PRKCB: variants seen among roughly 807,000 people sequenced by gnomAD.
PRKCB encodes the protein protein kinase C beta, also known as protein kinase C beta type.
A neutral mutation model predicts 81.5 loss-of-function variants in PRKCB; 13 were observed. The observed-to-expected ratio is 0.16, with a 90% confidence interval of 0.10 to 0.25. PRKCB has a LOEUF of 0.25. Ranked by LOEUF, PRKCB falls within the 10% of genes least tolerant of loss-of-function variation. The probability of loss-of-function intolerance (pLI) is 1.00; values close to 1 mark genes in which losing one functional copy is unlikely to be tolerated. For missense variants in PRKCB, 509 were observed against 875.7 expected, an observed-to-expected ratio of 0.58 and a Z score of 5.29; for synonymous variants, 335 against 321.4, an observed-to-expected ratio of 1.04 and a Z score of -0.45.
At chr16:24,031,950 C>T (rs1965555702) in intron 3 of PRKCB, 186 bp from the exon 4 acceptor site, 1 of 508,524 alleles carries the variant, frequency 2.0e-6, no homozygotes, top group Admixed American at 3.5e-5. Context: ...GTCCTTCATT[C>T]CTTCCACAAC....
At chr16:24,027,481 TG>T (rs1965496396) in intron 3 of PRKCB, among the ~76,000 whole-genome samples, 1 of 152,168 alleles carries the variant, frequency 6.6e-6, no homozygotes, top group East Asian at 1.9e-4. Flanking sequence ...GCCCTGTTGT[TG>T]TTACTAGGAC....
intron 3 of PRKCB, among the ~76,000 whole-genome samples, chr16:24,012,524 A>G (rs1310330968): frequency 6.6e-6 from 1 of 152,152 alleles, no homozygotes; most frequent in African/African-American, 2.4e-5. Context: ...TCACTGGCCT[A>G]CCCTTTCCAC....
At chr16:24,093,139 GA>G (rs569862207) in intron 6 of PRKCB, among the ~76,000 whole-genome samples, 192 bp downstream of exon 6, 1 of 151,950 alleles carries the variant, frequency 6.6e-6, no homozygotes, top group African/African-American at 2.4e-5. Flanking sequence ...TGTGAGCCAA[GA>G]AAAAAAATTA....
At chr16:23,938,864 T>C (rs8055831) in intron 2 of PRKCB, among the ~76,000 whole-genome samples, 60,532 of 152,040 alleles carry the variant, frequency 0.4, 12,348 homozygotes, top group South Asian at 0.55. Flanking sequence ...GTCCTTACCA[T>C]TGCAATACGG....
At chr16:24,145,372 G>A (rs398648) in intron 9 of PRKCB, among the ~76,000 whole-genome samples, 29,273 of 152,152 alleles carry the variant, frequency 0.19, 3,044 homozygotes, top group South Asian at 0.3. Flanking sequence ...GAGGCCAGGA[G>A]TTCCAGACAA....
intron 3 of PRKCB, among the ~76,000 whole-genome samples, chr16:24,025,197 AT>A (rs1965460909): frequency 6.6e-6 from 1 of 152,170 alleles, no homozygotes. Context: ...CTAAAATAGC[AT>A]GTTTATGGTG....
intron 3 of PRKCB, among the ~76,000 whole-genome samples, chr16:24,002,813 C>A (rs865977055): frequency 3.3e-5 from 5 of 152,130 alleles, no homozygotes; most frequent in Non-Finnish European, 5.9e-5. Context: ...CACACTGACC[C>A]TTATCTGCTG....
intron 3 of PRKCB, among the ~76,000 whole-genome samples, chr16:24,023,865 C>T (rs1022819486): frequency 6.6e-6 from 1 of 152,176 alleles, no homozygotes; most frequent in Non-Finnish European, 1.5e-5. Flanking sequence ...TGCTAACTCC[C>T]AGCACAGCCA....
rs73544653 is a variant in PRKCB at position 24,045,089 on chromosome 16, C to A, written c.529+9542C>A. Among the ~76,000 whole-genome samples, 913 of 151,750 alleles carry A rather than the reference C, an allele frequency of 6.0e-3. 5 individuals carry two copies. Among genetic ancestry groups the A allele is most frequent in the African/African-American group, 0.02 (840 of 41,328 alleles). ...TTCATTACGTTTCACAGGTTGATTG[C>A]AATACATATCATTTCCGCAATTTTT... On this transcript the variant is annotated intron_variant, in intron 5 of 16. Coordinates refer to ENST00000643927, the MANE Select transcript of PRKCB (RefSeq NM_002738.7).
At chr16:23,971,233 C>G (rs1466870622) in intron 2 of PRKCB, among the ~76,000 whole-genome samples, 1 of 152,200 alleles carries the variant, frequency 6.6e-6, no homozygotes, top group African/African-American at 2.4e-5. Context: ...GACCCATTGT[C>G]AACAGAAAAA....
chr16:23,852,239 G>T (rs7203341), intron 2 of PRKCB, among the ~76,000 whole-genome samples: 5 of 152,116 alleles, frequency 3.3e-5, no homozygotes, highest in South Asian at 4.1e-4. Context: ...GTTAGCTACG[G>T]GTTTGTCATA....
intron 9 of PRKCB, among the ~76,000 whole-genome samples, chr16:24,153,156 T>G (rs1359726677): frequency 2.0e-5 from 3 of 152,164 alleles, no homozygotes; most frequent in Non-Finnish European, 4.4e-5. Context: ...GCTGCTAAGC[T>G]TATTCTATAT....
rs1303006972 is a variant in PRKCB, at chr16:24,021,113, CTCTCTT to C, written c.289-11019_289-11014del. Among the ~76,000 whole-genome samples the C allele has an allele frequency of 3.4e-3, 386 of 113,106 alleles. 5 individuals are homozygous for C. The highest frequency in any genetic ancestry group is 0.012 in the African/African-American group (372 of 30,310). The allele number at this position is 113,106 out of a possible 152,430, so 74.2% of individuals were successfully genotyped here. On this transcript the variant is annotated intron_variant, in intron 3 of 16. Transcript: ENST00000643927. ...TTTTTTTCTTTCTTTCTTTCCTTCT[CTCTCTT>C]TCTTTCTTTCCTTCCTTCCTTCCTT...
chr16:23,864,685 G>A (rs1962741773), intron 2 of PRKCB, among the ~76,000 whole-genome samples: 1 of 152,096 alleles, frequency 6.6e-6, no homozygotes, highest in African/African-American at 2.4e-5. Flanking sequence ...ATCCCTGAGT[G>A]GAGGCTGGGT....
rs79175801 is a variant in PRKCB, at chr16:23,990,164, A to C, written c.288+1574A>C. Among the ~76,000 whole-genome samples the C allele has an allele frequency of 2.9e-3, 437 of 152,256 alleles. 2 individuals carry two copies. Among genetic ancestry groups the C allele is most frequent in the South Asian group, 0.012 (56 of 4,816 alleles). ...CCCCAAGCTGGATAGATGGGAGAAGAAGCTTTTTTTTTGGCCAGGCACGGT... is the reference window on the plus strand; with the variant it reads ...CCCCAAGCTGGATAGATGGGAGAAGCAGCTTTTTTTTTGGCCAGGCACGGT... On this transcript the variant is annotated intron_variant, in intron 3 of 16. Transcript: ENST00000643927.
chr16:23,971,364 C>T (rs955440029), intron 2 of PRKCB, among the ~76,000 whole-genome samples: 6 of 152,174 alleles, frequency 3.9e-5, no homozygotes, highest in Admixed American at 6.5e-5. Flanking sequence ...CGTGCTCCTT[C>T]TCTCCTCCCC....
chr16:23,932,758 C>A (rs959706973), intron 2 of PRKCB, among the ~76,000 whole-genome samples: 1 of 152,216 alleles, frequency 6.6e-6, no homozygotes, highest in Non-Finnish European at 1.5e-5. Context: ...GCATTGAAGT[C>A]AAACTGCTGT....
intron 15 of PRKCB, among the ~76,000 whole-genome samples, chr16:24,188,665 C>T (rs1411829907): frequency 6.6e-6 from 1 of 151,874 alleles, no homozygotes; most frequent in African/African-American, 2.4e-5. Context: ...AACAGAAGCC[C>T]AAATAGACAG....
chr16:23,976,050 C>T (rs1004626600), intron 2 of PRKCB, among the ~76,000 whole-genome samples: 1 of 152,068 alleles, frequency 6.6e-6, no homozygotes, highest in African/African-American at 2.4e-5. Context: ...GTAAAGATGG[C>T]AGATGCAGCA....
Sources: gnomAD v4.1 joint callset for allele counts (sites outside exome capture counted in the v4.1 genomes callset) on GRCh38, gnomAD v4.1.1 for gene constraint, MANE v1.5 for transcripts, NCBI Gene and HGNC (gene_info 2026-07-23, HGNC 2026-07-21) for gene names.